The following ZNF880 variants were observed in gnomAD, a reference collection of about 807,000 sequenced individuals.
ZNF880 encodes the protein zinc finger protein LOC400713.
A neutral mutation model predicts 11.8 loss-of-function variants in ZNF880; 12 were observed. That is an observed-to-expected ratio of 1.02 (90% confidence interval 0.65 to 1.65). ZNF880 has a LOEUF of 1.65. ZNF880 is among the 40% of genes most tolerant of loss of function. The pLI is 0.00. For synonymous variants in ZNF880, 210 were observed against 232.4 expected, an observed-to-expected ratio of 0.90 and a Z score of 0.88; for missense variants, 601 against 673.9, an observed-to-expected ratio of 0.89 and a Z score of 1.20.
rs377553382 is a variant in ZNF880 at position 52,380,271 on chromosome 19, C to T, written c.269-3578C>T. On this transcript the variant is annotated intron_variant, in intron 3 of 3. Coordinates refer to ENST00000422689, the MANE Select transcript of ZNF880 (RefSeq NM_001145434.2). ...CTCCCATTTCTGCACATTTTTGCCA[C>T]TTGTGATGTACTGTTTTTTTTGTCT... Among the ~76,000 whole-genome samples, 6 of 151,498 alleles carry T rather than the reference C, an allele frequency of 4.0e-5. No individual in the cohort carries two copies. In the East Asian group the frequency reaches 1.2e-3, roughly 29 times the overall value.
At chr19:52,374,005 C>T (rs1392212849) in intron 2 of ZNF880, among the ~76,000 whole-genome samples, 1 of 151,920 alleles carries the variant, frequency 6.6e-6, no homozygotes, top group Non-Finnish European at 1.5e-5. Flanking sequence ...TATCCTCTCT[C>T]CTACCTAGAC....
At chr19:52,371,060 T>A (rs1015090994) in intron 1 of ZNF880, among the ~76,000 whole-genome samples, 2 of 152,234 alleles carry the variant, frequency 1.3e-5, no homozygotes, top group African/African-American at 4.8e-5. Context: ...GTGATGTGTG[T>A]GGATGAGTGC....
At position 52,383,919 on chromosome 19, in the gene ZNF880, G is replaced by C. The variant is rs762770802; in HGVS notation, c.339G>C (p.Gln113His). 2 of 1,562,228 alleles carry C rather than the reference G, an allele frequency of 1.3e-6. No homozygotes were observed. The highest frequency in any genetic ancestry group is 1.7e-6 in the Non-Finnish European group (2 of 1,152,670). Reference sequence around the variant, plus strand: ...AAAATCAACTTGGATTAACCTTTCAGTTACATCTGAGTGAACTGCAGCTAT... The same window carrying C: ...AAAATCAACTTGGATTAACCTTTCACTTACATCTGAGTGAACTGCAGCTAT... The part of the protein sequence containing the change: ...SLKNQLGLTF[Q>H]LHLSELQLFQ... Residue 113 changes from glutamine (Q) to histidine (H), a missense_variant, in exon 4 of 4, where the codon CAG (glutamine) becomes CAC (histidine). Physicochemically the swap from Gln to His is conservative, Grantham distance 24. This residue lies in a region of ZNF880 where 420 missense variants were observed against 442.6 expected (regional missense o/e 0.95). Transcript: ENST00000422689.
intron 1 of ZNF880, 91 bp from the exon 2 acceptor site, chr19:52,373,020 G>A: frequency 7.6e-7 from 1 of 1,317,326 alleles, no homozygotes; most frequent in Non-Finnish European, 1.1e-6. Flanking sequence ...ACGTGGATTT[G>A]TCAGAACATC....
intron 3 of ZNF880, among the ~76,000 whole-genome samples, chr19:52,378,211 C>A (rs1986608539): frequency 6.6e-6 from 1 of 152,128 alleles, no homozygotes; most frequent in South Asian, 2.1e-4. Flanking sequence ...AACGAAGAGA[C>A]CAATGTATGC....
chr19:52,383,782 C>G, intron 3 of ZNF880, 67 bp from the exon 4 acceptor site: 2 of 1,439,036 alleles, frequency 1.4e-6, no homozygotes, highest in East Asian at 2.5e-5. Context: ...AGAATCTAGT[C>G]TCTCTGTCAG....
At chr19:52,383,653 T>G (rs1261574573) in intron 3 of ZNF880, among the ~76,000 whole-genome samples, 196 bp from the exon 4 acceptor site, 1 of 152,210 alleles carries the variant, frequency 6.6e-6, no homozygotes, top group Non-Finnish European at 1.5e-5. Context: ...ATAATCCACC[T>G]GACTCCTGCA....
upstream of ZNF880, among the ~76,000 whole-genome samples, chr19:52,369,234 C>T (rs2244427): frequency 0.82 from 122,722 of 149,882 alleles, 50,500 homozygotes; most frequent in African/African-American, 0.88. Context: ...TGGTGGTGGG[C>T]GCCTGTAATC....
upstream of ZNF880, chr19:52,367,584 T>G (rs1986171625): frequency 8.1e-6 from 1 of 123,568 alleles, no homozygotes; most frequent in Admixed American, 8.5e-5. Flanking sequence ...GTGTGAGACA[T>G]AAAACAACAT....
chr19:52,384,612 A>G lies in ZNF880; in HGVS notation c.1032A>G (p.Val344=). 6.2e-7 allele frequency: 1 copy of G among 1,612,860 alleles called. No individual in the cohort carries two copies. Among genetic ancestry groups the G allele is most frequent in the Non-Finnish European group, 8.5e-7 (1 of 1,179,362 alleles). ...GTTCAGGCCTTACTGCTCATCTTGT[A>G]ATTCACACTGGAGAGAAACTTTACA... ...SGGSGLTAHL[V]IHTGEKLYKC... is the part of the protein sequence containing the mutation. The change falls in exon 4 of 4, where the codon GTA becomes GTG. Residue 344 remains valine, a synonymous_variant. Transcript: ENST00000422689.
At chr19:52,382,234 G>A (rs1219537782) in intron 3 of ZNF880, among the ~76,000 whole-genome samples, 3 of 151,970 alleles carry the variant, frequency 2.0e-5, no homozygotes, top group Admixed American at 2.0e-4. Flanking sequence ...CCAAGATCAC[G>A]CCACTGCACT....
chr19:52,382,117 T>C (rs1986723092), intron 3 of ZNF880, among the ~76,000 whole-genome samples: 1 of 151,920 alleles, frequency 6.6e-6, no homozygotes, highest in Admixed American at 6.6e-5. Flanking sequence ...CTACTAAAAA[T>C]ACAAAAATTA....
chr19:52,388,169 C>T (rs890927525), downstream of ZNF880, among the ~76,000 whole-genome samples: 2 of 148,720 alleles, frequency 1.3e-5, no homozygotes, highest in South Asian at 2.1e-4. Context: ...TGAGCCACTG[C>T]GCCTGGCCCA....
downstream of ZNF880, among the ~76,000 whole-genome samples, chr19:52,388,281 A>ATTTTTTTTTTTTTTTTTTTT (rs1298446341): frequency 2.6e-5 from 1 of 38,892 alleles, no homozygotes; most frequent in Non-Finnish European, 4.6e-5. Flanking sequence ...GGCAATTTGA[A>ATTTTTTTTTTTTTTTTTTTT]CTTTTTTTTT....
chr19:52,387,284 C>T (rs1053556534), downstream of ZNF880, among the ~76,000 whole-genome samples: 6 of 143,862 alleles, frequency 4.2e-5, 1 homozygote, highest in African/African-American at 1.6e-4. Flanking sequence ...ACTAATCATA[C>T]TTAATACTTG....
the ZNF880 span, among the ~76,000 whole-genome samples, chr19:52,393,543 A>C: frequency 1.3e-5 from 2 of 152,126 alleles, no homozygotes; most frequent in Admixed American, 1.3e-4. Context: ...AAGTGATACC[A>C]ATCTTTTGTT....
rs1172656932 is a variant in ZNF880, at chr19:52,369,972, C to T, written c.7C>T (p.Arg3Trp). The change falls in exon 1 of 4, where the codon CGG (arginine) becomes TGG (tryptophan). Residue 3 changes from arginine to tryptophan, a missense_variant. Arg to Trp is a moderately radical substitution (Grantham distance 101, BLOSUM62 -3). Transcript: ENST00000422689. ML[R>W]RGHLAFRDVA... is the part of the protein sequence containing the mutation. ...ATTACGTGGAGTGACGGTCATGCTG[C>T]GGCGTGTGAGTTTCCCTTTGTTTAG... is the stretch of plus-strand genomic sequence containing the variant. The T allele has an allele frequency of 3.9e-6, 6 of 1,551,624 alleles. No individual in the cohort carries two copies. The highest frequency in any genetic ancestry group is 3.3e-4 in the Middle Eastern group (2 of 5,992).
At position 52,372,116 on chromosome 19, in the gene ZNF880, G is replaced by A. The variant is rs578163598; in HGVS notation, c.13-995G>A. Among the ~76,000 whole-genome samples the A allele has an allele frequency of 2.2e-3, 332 of 151,766 alleles. 2 individuals are homozygous for A. Among genetic ancestry groups the A allele is most frequent in the African/African-American group, 7.7e-3 (319 of 41,446 alleles). ...AGGCAGAAGAATCACTTGAACCTGG[G>A]AGGCGGATGTTGCAGTGAGCCAAGA... On this transcript the variant is annotated intron_variant, in intron 1 of 3. Transcript: ENST00000422689.
chr19:52,385,606 A>G lies in ZNF880; in HGVS notation c.*292A>G. 1 of 271,240 alleles carries G rather than the reference A, an allele frequency of 3.7e-6. No individual in the cohort carries two copies. The highest frequency in any genetic ancestry group is 5.5e-5 in the South Asian group (1 of 18,288). 16.8% of individuals were successfully genotyped at this position (271,240 alleles called of 1,614,324 possible). A position where few individuals can be genotyped will look rare whatever the true frequency, so the allele number is the denominator to read the frequency against. ...AAGGACCATTACTATGGAACATGAT[A>G]AGATTTACACAAGCGATAATTCAGT... On this transcript the variant is annotated 3_prime_UTR_variant, in exon 4 of 4. Coordinates refer to ENST00000422689, the MANE Select transcript of ZNF880 (RefSeq NM_001145434.2).
Sources: gnomAD v4.1 joint callset for allele counts (sites outside exome capture counted in the v4.1 genomes callset) on GRCh38, gnomAD v4.1.1 for gene constraint, gnomAD v4.1.1 regional missense constraint, MANE v1.5 for transcripts, NCBI Gene and HGNC (gene_info 2026-07-23, HGNC 2026-07-21) for gene names.